GRIK1: variants seen among roughly 807,000 people sequenced by gnomAD.
GRIK1 encodes glutamate receptor ionotropic, kainate 1.
A neutral mutation model predicts 105.7 loss-of-function variants in GRIK1; 69 were observed. The observed-to-expected ratio is 0.65, with a 90% CI of 0.54 to 0.80. The LOEUF (loss-of-function observed/expected upper bound fraction) is 0.80. Ranked by LOEUF, GRIK1 falls within the 30% of genes least tolerant of loss-of-function variation. The pLI, the probability that GRIK1 is intolerant of heterozygous loss-of-function variation, is 0.00. For missense variants in GRIK1, 1,109 were observed against 1,167.3 expected (o/e 0.95, Z 0.73); for synonymous variants, 438 against 431.3 (o/e 1.02, Z -0.19).
chr21:29,701,942 C>T (rs746705871), intron 1 of GRIK1, among the ~76,000 whole-genome samples: 9 of 152,234 alleles, frequency 5.9e-5, no homozygotes, highest in East Asian at 3.9e-4. Context: ...TTGACCAAGA[C>T]GAGGAACGAT....
chr21:29,794,688 T>G (rs899188939), intron 1 of GRIK1, among the ~76,000 whole-genome samples: 1 of 152,202 alleles, frequency 6.6e-6, no homozygotes, highest in Non-Finnish European at 1.5e-5. Context: ...TACAGAATAA[T>G]GTAGTTGGGT....
At chr21:29,813,709 C>T (rs2067073554) in intron 1 of GRIK1, among the ~76,000 whole-genome samples, 1 of 152,048 alleles carries the variant, frequency 6.6e-6, no homozygotes, top group South Asian at 2.1e-4. Context: ...CAATTCCTTC[C>T]TGGAGCACAA....
intron 1 of GRIK1, among the ~76,000 whole-genome samples, chr21:29,832,878 G>T (rs2067682956): frequency 6.6e-6 from 1 of 152,140 alleles, no homozygotes; most frequent in Admixed American, 6.6e-5. Context: ...ACATGGCTGG[G>T]CTACAAATTT....
intron 1 of GRIK1, among the ~76,000 whole-genome samples, chr21:29,831,490 A>G (rs1209904089): frequency 6.6e-6 from 1 of 152,236 alleles, no homozygotes; most frequent in Admixed American, 6.5e-5. Context: ...ATGGTTCAAC[A>G]GAAAGCATGG....
intron 1 of GRIK1, among the ~76,000 whole-genome samples, chr21:29,699,403 G>C (rs2063770390): frequency 6.6e-6 from 1 of 152,152 alleles, no homozygotes; most frequent in Non-Finnish European, 1.5e-5. Flanking sequence ...ATATACCAGG[G>C]ACTTGTGCAC....
intron 1 of GRIK1, 66 bp downstream of exon 1, chr21:29,939,317 C>A (rs1406951648): frequency 2.1e-6 from 2 of 968,612 alleles, no homozygotes; most frequent in African/African-American, 1.6e-5. Flanking sequence ...GCCCGGGACC[C>A]GCTACACCCG....
intron 16 of GRIK1, among the ~76,000 whole-genome samples, chr21:29,547,292 A>C (rs1419840745): frequency 1.3e-5 from 2 of 152,354 alleles, no homozygotes; most frequent in East Asian, 3.9e-4. Flanking sequence ...TTCTGCCTTG[A>C]AGTACTGGCA....
intron 7 of GRIK1, among the ~76,000 whole-genome samples, chr21:29,629,546 A>G (rs2146472745): frequency 6.6e-6 from 1 of 150,398 alleles, no homozygotes; most frequent in African/African-American, 2.5e-5. Flanking sequence ...GCTGGAGTGC[A>G]GTGGCGGATC....
intron 1 of GRIK1, among the ~76,000 whole-genome samples, chr21:29,829,965 C>T (rs2067580035): frequency 1.3e-5 from 2 of 152,054 alleles, no homozygotes; most frequent in Non-Finnish European, 2.9e-5. Flanking sequence ...AAATGTGTTG[C>T]TTCTTGTCAA....
intron 3 of GRIK1, among the ~76,000 whole-genome samples, chr21:29,684,773 G>A (rs752373243): frequency 4.6e-5 from 7 of 152,184 alleles, no homozygotes; most frequent in Non-Finnish European, 1.0e-4. Context: ...GCCTTCCAAA[G>A]TGCTGGGATT....
chr21:29,813,400 G>T (rs2067064961), intron 1 of GRIK1, among the ~76,000 whole-genome samples: 1 of 152,078 alleles, frequency 6.6e-6, no homozygotes, highest in South Asian at 2.1e-4. Flanking sequence ...CTAATTAGAT[G>T]AGTCCTCTTA....
intron 1 of GRIK1, among the ~76,000 whole-genome samples, chr21:29,859,642 G>C (rs964208749): frequency 2.6e-5 from 4 of 152,184 alleles, no homozygotes; most frequent in Non-Finnish European, 5.9e-5. Context: ...GACATCAAAG[G>C]TGGGTCCTGA....
At chr21:29,734,960 C>T (rs972025551) in intron 1 of GRIK1, among the ~76,000 whole-genome samples, 6 of 152,132 alleles carry the variant, frequency 3.9e-5, no homozygotes, top group Middle Eastern at 6.4e-3. Flanking sequence ...AAATTGCCTG[C>T]TCTCCAACCT....
intron 6 of GRIK1, among the ~76,000 whole-genome samples, chr21:29,648,707 A>G (rs1762203172): frequency 6.6e-6 from 1 of 152,138 alleles, no homozygotes; most frequent in Admixed American, 6.6e-5. Context: ...ACGTCAGGTC[A>G]TAAGGGCTAT....
chr21:29,686,076 G>A (rs2063481447), intron 3 of GRIK1, among the ~76,000 whole-genome samples: 1 of 152,140 alleles, frequency 6.6e-6, no homozygotes, highest in South Asian at 2.1e-4. Context: ...CTACCCTTTT[G>A]TCCAATCACA....
intron 1 of GRIK1, among the ~76,000 whole-genome samples, chr21:29,772,592 C>T (rs143437214): frequency 2.3e-3 from 349 of 152,254 alleles, no homozygotes; most frequent in African/African-American, 7.7e-3. Flanking sequence ...TGTCATCCCC[C>T]CCACCCTTTT....
chr21:29,662,563 T>C (rs2062985601), intron 4 of GRIK1, among the ~76,000 whole-genome samples: 1 of 152,170 alleles, frequency 6.6e-6, no homozygotes, highest in Non-Finnish European at 1.5e-5. Flanking sequence ...GCAACAAGCT[T>C]CTTTGATAAT....
Position 29,576,971 on chromosome 21 carries a change from A to G in GRIK1, c.2123T>C (p.Phe708Ser). 6.3e-7 allele frequency: 1 copy of G among 1,584,876 alleles called. No homozygotes were observed. The highest frequency in any genetic ancestry group is 2.2e-5 in the East Asian group (1 of 44,752). ...GAVRDGSTMT[F>S]FKKSKISTYE... ...ACTTTGTCAGCTTCTTACCTTGAAG[A>G]AGGTCATTGTTGATCCATCTCTAAC... The change falls in exon 14 of 18, where the codon TTC (phenylalanine) becomes TCC (serine). Residue 708 changes from phenylalanine to serine, a missense_variant. By Grantham distance (155) the Phe-to-Ser change is radical (BLOSUM62 -2). Around this residue, in one of 5 missense-constraint regions of GRIK1, gnomAD observed 264 missense variants for 306.9 expected, o/e 0.86. Coordinates refer to ENST00000327783, the MANE Select transcript of GRIK1 (RefSeq NM_001330994.2).
chr21:29,629,682 G>A (rs374119009), intron 7 of GRIK1, among the ~76,000 whole-genome samples: 1 of 151,948 alleles, frequency 6.6e-6, no homozygotes, highest in African/African-American at 2.4e-5. Context: ...GTAGAGACAG[G>A]GTTTCACCGT....
Sources: allele counts gnomAD v4.1 joint callset (sites outside exome capture counted in the v4.1 genomes callset), GRCh38; gene constraint gnomAD v4.1.1; regional missense constraint gnomAD v4.1.1; transcripts MANE v1.5; gene names NCBI Gene and HGNC (gene_info 2026-07-23, HGNC 2026-07-21).